DACH1: variants seen among roughly 807,000 people sequenced by gnomAD.
DACH1 encodes the protein dachshund homolog 1.
Under a neutral mutation model 54.2 loss-of-function variants are expected in DACH1, and 12 were observed. The observed-to-expected ratio is 0.22, with a 90% CI of 0.14 to 0.36. The LOEUF is 0.36. Among genes scored for constraint, DACH1 ranks in the 10% least tolerant of loss-of-function variants. DACH1 has a pLI of 1.00. For synonymous variants in DACH1, 386 were observed against 366.2 expected, an observed-to-expected ratio of 1.05 and a Z score of -0.62; for missense variants, 805 against 929.8, an observed-to-expected ratio of 0.87 and a Z score of 1.75.
chr13:71,650,684 T>C (rs1443702611), intron 2 of DACH1, among the ~76,000 whole-genome samples: 1 of 152,136 alleles, frequency 6.6e-6, no homozygotes, highest in Non-Finnish European at 1.5e-5. Flanking sequence ...TCTAAGAGAC[T>C]CTAAACTCTA....
At chr13:71,700,524 C>A (rs922300986) in intron 1 of DACH1, among the ~76,000 whole-genome samples, 1 of 144,478 alleles carries the variant, frequency 6.9e-6, no homozygotes, top group African/African-American at 2.7e-5. Flanking sequence ...CCACTGCACT[C>A]CATCCTGGGT....
intron 2 of DACH1, among the ~76,000 whole-genome samples, chr13:71,664,622 GGT>G (rs1023126768): frequency 6.6e-6 from 1 of 151,890 alleles, no homozygotes; most frequent in Non-Finnish European, 1.5e-5. Flanking sequence ...ATAAATAACT[GGT>G]GTACCACATT....
At chr13:71,542,245 T>C (rs1280897695) in intron 6 of DACH1, among the ~76,000 whole-genome samples, 3 of 151,888 alleles carry the variant, frequency 2.0e-5, no homozygotes, top group Non-Finnish European at 4.4e-5. Flanking sequence ...CGAAACTCCG[T>C]CTCAAATAAA....
chr13:71,567,138 A>T (rs569680406), intron 4 of DACH1, among the ~76,000 whole-genome samples: 4 of 152,058 alleles, frequency 2.6e-5, no homozygotes, highest in Non-Finnish European at 5.9e-5. Context: ...TCTCTCTCTC[A>T]CACACACACA....
At chr13:71,739,728 C>T (rs2137943498) in intron 1 of DACH1, among the ~76,000 whole-genome samples, 1 of 152,080 alleles carries the variant, frequency 6.6e-6, no homozygotes, top group East Asian at 1.9e-4. Flanking sequence ...GTTAGCTGGC[C>T]AGTAAGAAGT....
At chr13:71,585,689 T>A (rs968990682) in intron 3 of DACH1, among the ~76,000 whole-genome samples, 1 of 152,138 alleles carries the variant, frequency 6.6e-6, no homozygotes, top group African/African-American at 2.4e-5. Context: ...GACCAGATTA[T>A]GAAAGTTCTC....
intron 1 of DACH1, among the ~76,000 whole-genome samples, chr13:71,841,540 C>T (rs754683648): frequency 6.6e-6 from 1 of 152,114 alleles, no homozygotes; most frequent in Non-Finnish European, 1.5e-5. Flanking sequence ...AGAAACACTT[C>T]TCACCATAAA....
intron 1 of DACH1, among the ~76,000 whole-genome samples, chr13:71,799,828 T>C (rs1396589517): frequency 6.6e-6 from 1 of 152,124 alleles, no homozygotes; most frequent in Admixed American, 6.6e-5. Context: ...GCAGTAGGCA[T>C]TATGACTACT....
At chr13:71,550,223 G>A (rs1255749482) in intron 6 of DACH1, among the ~76,000 whole-genome samples, 1 of 152,126 alleles carries the variant, frequency 6.6e-6, no homozygotes, top group African/African-American at 2.4e-5. Flanking sequence ...CTTGATAGTA[G>A]TAATGGTTTC....
intron 3 of DACH1, among the ~76,000 whole-genome samples, chr13:71,612,973 C>A (rs1156880827): frequency 1.3e-5 from 2 of 152,182 alleles, no homozygotes; most frequent in African/African-American, 4.8e-5. Context: ...GCCAGGCCTG[C>A]CCTGCCCTCA....
intron 1 of DACH1, among the ~76,000 whole-genome samples, chr13:71,790,856 A>T (rs1886801985): frequency 6.6e-6 from 1 of 152,216 alleles, no homozygotes; most frequent in Non-Finnish European, 1.5e-5. Flanking sequence ...GTTTTATTCT[A>T]CAGCTGCATC....
chr13:71,842,305 G>C (rs1369686065), intron 1 of DACH1, among the ~76,000 whole-genome samples: 1 of 151,994 alleles, frequency 6.6e-6, no homozygotes, highest in African/African-American at 2.4e-5. Context: ...GGTCGGGCGT[G>C]GTGGCTCACA....
chr13:71,670,423 G>A (rs1249727747), intron 2 of DACH1, among the ~76,000 whole-genome samples: 3 of 152,082 alleles, frequency 2.0e-5, no homozygotes, highest in Non-Finnish European at 4.4e-5. Context: ...AGCAATATGT[G>A]ATAGTTTGAA....
intron 10 of DACH1, among the ~76,000 whole-genome samples, chr13:71,468,649 C>A (rs972475478): frequency 6.6e-6 from 1 of 152,148 alleles, no homozygotes; most frequent in Non-Finnish European, 1.5e-5. Context: ...AACTTCTATT[C>A]AAATGCATAC....
chr13:71,826,282 A>G (rs748953261), intron 1 of DACH1, among the ~76,000 whole-genome samples: 1 of 152,138 alleles, frequency 6.6e-6, no homozygotes, highest in Non-Finnish European at 1.5e-5. Flanking sequence ...TAATGATTCT[A>G]AATTAAATCA....
At chr13:71,586,252 A>G (rs963900685) in intron 3 of DACH1, among the ~76,000 whole-genome samples, 3 of 152,166 alleles carry the variant, frequency 2.0e-5, no homozygotes, top group African/African-American at 7.2e-5. Context: ...TCAGGTTAAC[A>G]GATAACTTTT....
intron 6 of DACH1, among the ~76,000 whole-genome samples, chr13:71,546,729 A>C (rs1183564423): frequency 6.6e-6 from 1 of 152,080 alleles, no homozygotes; most frequent in East Asian, 1.9e-4. Context: ...CTAAAAGTTA[A>C]CTAAGCAAAG....
At chr13:71,538,828 C>A (rs1161235359) in intron 6 of DACH1, among the ~76,000 whole-genome samples, 1 of 152,026 alleles carries the variant, frequency 6.6e-6, no homozygotes, top group East Asian at 1.9e-4. Context: ...GATTCAGGGT[C>A]AGGTTAAAAC....
chr13:71,593,357 T>C (rs1593952360), intron 3 of DACH1, among the ~76,000 whole-genome samples: 1 of 152,164 alleles, frequency 6.6e-6, no homozygotes, highest in African/African-American at 2.4e-5. Flanking sequence ...TTTATGATCA[T>C]CTGAAAGCTT....
Sources: allele counts gnomAD v4.1 joint callset (sites outside exome capture counted in the v4.1 genomes callset), GRCh38; gene constraint gnomAD v4.1.1; transcripts MANE v1.5; gene names NCBI Gene and HGNC (gene_info 2026-07-23, HGNC 2026-07-21).